Variants in EBF3 observed in about 807,000 individuals in gnomAD.
EBF3 encodes transcription factor COE3.
In EBF3, 18 loss-of-function variants were observed where a neutral mutation model predicts 77.1. That is an observed-to-expected ratio of 0.23 (90% CI 0.16 to 0.35). The LOEUF is 0.35. Ranked by LOEUF, EBF3 falls within the 10% of genes least tolerant of loss-of-function variation. EBF3 has a pLI of 1.00. For synonymous variants in EBF3, 350 were observed against 343.5 expected (o/e 1.02, Z -0.21); for missense variants, 558 against 860.0 (o/e 0.65, Z 4.39).
At chr10:129,865,475 G>C (rs552022370) in intron 10 of EBF3, among the ~76,000 whole-genome samples, 1 of 152,306 alleles carries the variant, frequency 6.6e-6, no homozygotes, top group East Asian at 1.9e-4. Flanking sequence ...CACCTCCCCT[G>C]TGGTCTTCTG....
At chr10:129,941,556 G>C (rs776263280) in intron 6 of EBF3, among the ~76,000 whole-genome samples, 22 of 152,208 alleles carry the variant, frequency 1.4e-4, no homozygotes, top group Non-Finnish European at 1.0e-4. Context: ...CACAGACTCC[G>C]GGCAGGCCAA....
At chr10:129,876,507 G>A (rs1004096687) in intron 7 of EBF3, among the ~76,000 whole-genome samples, 16 of 152,346 alleles carry the variant, frequency 1.1e-4, no homozygotes, top group African/African-American at 3.4e-4. Flanking sequence ...GACTGTGGGC[G>A]GGCCCAAAGA....
intron 7 of EBF3, 97 bp downstream of exon 7, chr10:129,877,671 A>T: frequency 9.8e-7 from 1 of 1,022,600 alleles, no homozygotes; most frequent in Non-Finnish European, 1.5e-6. Flanking sequence ...GCCCTTAAAG[A>T]ACTCAAGATT....
At chr10:129,959,548 T>G (rs1024536389) in intron 4 of EBF3, among the ~76,000 whole-genome samples, 1 of 151,884 alleles carries the variant, frequency 6.6e-6, no homozygotes, top group Non-Finnish European at 1.5e-5. Context: ...GCGCCCGCCC[T>G]GCCCTGCGCG....
chr10:129,839,192 G>T lies in EBF3; in HGVS notation c.1763C>A (p.Ser588Tyr). Residue 588 changes from serine to tyrosine, a missense_variant, in exon 16 of 17, where the codon TCT (serine) becomes TAT (tyrosine). By Grantham distance (144) the Ser-to-Tyr change is moderately radical. Transcript: ENST00000440978. ...TSANGNGLQG[S>Y]LLGAEDVAAE... ...GGCTACGTCCTCAGCACCCAGCAGA[G>T]AGCCTGGTACATAGTAGGTGCTCAG... The T allele has an allele frequency of 7.9e-7, 1 of 1,267,526 alleles. No individual in the cohort carries two copies. The allele number at this position is 1,267,526 out of a possible 1,614,324, so 78.5% of individuals were successfully genotyped here.
At chr10:129,933,646 G>A (rs1479612510) in intron 6 of EBF3, among the ~76,000 whole-genome samples, 1 of 152,192 alleles carries the variant, frequency 6.6e-6, no homozygotes, top group Non-Finnish European at 1.5e-5. Flanking sequence ...GCACAAGCGT[G>A]GCTGAATGTT....
intron 6 of EBF3, among the ~76,000 whole-genome samples, chr10:129,919,962 G>C (rs79357025): frequency 6.6e-6 from 1 of 150,716 alleles, no homozygotes; most frequent in Non-Finnish European, 1.5e-5. Context: ...AGCCCACCCC[G>C]CTGTGCAGTC....
chr10:129,854,368 G>A (rs549049458), intron 10 of EBF3, among the ~76,000 whole-genome samples: 7 of 152,214 alleles, frequency 4.6e-5, no homozygotes, highest in South Asian at 2.1e-4. Context: ...AGTTTCAGGC[G>A]GCTGATGGCT....
At chr10:129,909,874 T>A (rs1855400549) in intron 6 of EBF3, among the ~76,000 whole-genome samples, 1 of 152,226 alleles carries the variant, frequency 6.6e-6, no homozygotes, top group Non-Finnish European at 1.5e-5. Flanking sequence ...TGGAAACAAT[T>A]ACTCCTGGAA....
At chr10:129,853,560 C>T (rs898106384) in intron 10 of EBF3, among the ~76,000 whole-genome samples, 2 of 152,208 alleles carry the variant, frequency 1.3e-5, no homozygotes, top group Non-Finnish European at 2.9e-5. Context: ...AGTTCCTTTT[C>T]CGAGGGACAA....
chr10:129,836,453 C>T lies in EBF3; in HGVS notation c.*1490G>A, dbSNP rs1239243393. The T allele has an allele frequency of 6.6e-6, 1 of 152,620 alleles. No homozygotes were observed. Among genetic ancestry groups the T allele is most frequent in the East Asian group, 1.9e-4 (1 of 5,204 alleles). 9.5% of individuals were successfully genotyped at this position (152,620 alleles called of 1,614,324 possible). A position where few individuals can be genotyped will look rare whatever the true frequency, so the allele number is the denominator to read the frequency against. On this transcript the variant is annotated 3_prime_UTR_variant, in exon 17 of 17. Transcript: ENST00000440978. ...GTGTCACCTCTTCGCGGCCGCTCCA[C>T]ATGCACAGAATCTACTAGGATTTGT...
Position 129,867,911 on chromosome 10 carries a change from G to A in EBF3, c.783C>T (p.Ala261=). 6.2e-7 allele frequency: 1 copy of A among 1,614,034 alleles called. No homozygotes were observed. Among genetic ancestry groups the A allele is most frequent in the Non-Finnish European group, 8.5e-7 (1 of 1,179,996 alleles). Residue 261 remains alanine, a splice_region_variant and synonymous_variant, in exon 9 of 17, where the codon GCC becomes GCT. Transcript: ENST00000440978. Reference sequence around the variant, plus strand: ...GACTGATGGCCTTGATGCACGGAGTGGCTGCTCACACAAGACAGAGAAGGC... The same window carrying A: ...GACTGATGGCCTTGATGCACGGAGTAGCTGCTCACACAAGACAGAGAAGGC... The part of the protein sequence containing the change: ...EGTAPSYLEN[A]TPCIKAISPS...
In EBF3 at chr10:129,874,763, C is replaced by T. The variant is rs117331789; in HGVS notation, c.637-1167G>A. Among the ~76,000 whole-genome samples the T allele has an allele frequency of 7.5e-3, 1,148 of 152,254 alleles. 4 individuals carry two copies. Among genetic ancestry groups the T allele is most frequent in the Non-Finnish European group, 0.01 (706 of 68,016 alleles). On this transcript the variant is annotated intron_variant, in intron 7 of 16. Transcript: ENST00000440978. ...TGAGTGGAGAAGCGGAAGGGGTTCCCAGTCAGGGTACACCTTCCCTGCAAG... is the reference window on the plus strand; with the variant it reads ...TGAGTGGAGAAGCGGAAGGGGTTCCTAGTCAGGGTACACCTTCCCTGCAAG...
rs536210020 is a variant in EBF3, at chr10:129,842,059, C to A, written c.1372+57G>T. 3.7e-6 allele frequency: 6 copies of A among 1,610,294 alleles called. No homozygotes were observed. The African/African-American group carries it at 8.0e-5, about 21-fold the overall frequency. On this transcript the variant is annotated intron_variant, in intron 13 of 16. Coordinates refer to ENST00000440978, the MANE Select transcript of EBF3 (RefSeq NM_001375380.1). This position sits in a 1 kb window ranked among gnomAD's most constrained non-coding sequence, Gnocchi z 4.4. ...GGACACGTGCCTCTTCAGCTAAGGC[C>A]TCAACCAACCCTCGGAGGGCGTTCA...
chr10:129,957,381 G>T, intron 5 of EBF3, 55 bp from the exon 6 acceptor site: 3 of 1,416,706 alleles, frequency 2.1e-6, no homozygotes, highest in Admixed American at 2.3e-5. Flanking sequence ...TTTTATGCCC[G>T]ACTTGTATTT....
In EBF3 at chr10:129,901,120, G is replaced by C. The variant is rs547148864; in HGVS notation, c.555-23271C>G. Among the ~76,000 whole-genome samples, 3 of 152,294 alleles carry C rather than the reference G, an allele frequency of 2.0e-5. No homozygotes were observed. The South Asian group carries it at 6.2e-4, about 32-fold the overall frequency. ...TTGACATCTAAGTGGGTCCTTCCAG[G>C]TCAGACAGTCAAGTACATCTGGAGT... On this transcript the variant is annotated intron_variant, in intron 6 of 16. Transcript: ENST00000440978.
At chr10:129,868,937 G>A (rs539156298) in intron 8 of EBF3, among the ~76,000 whole-genome samples, 3 of 152,324 alleles carry the variant, frequency 2.0e-5, no homozygotes, top group African/African-American at 4.8e-5. Context: ...TCCGCAGCCC[G>A]GGCCAGGACA....
chr10:129,963,871 GC>G lies in EBF3; in HGVS notation c.-104del. 8.0e-7 allele frequency: 1 copy of G among 1,253,616 alleles called. No individual in the cohort carries two copies. Among genetic ancestry groups the G allele is most frequent in the Non-Finnish European group, 1.0e-6 (1 of 992,890 alleles). The allele number at this position is 1,253,616 out of a possible 1,614,324, so 77.7% of individuals were successfully genotyped here. On this transcript the variant is annotated 5_prime_UTR_variant, in exon 1 of 17. Coordinates refer to ENST00000440978, the MANE Select transcript of EBF3 (RefSeq NM_001375380.1). The surrounding 1 kb of genome is among the most constrained non-coding windows in gnomAD (Gnocchi z 7.1). Reference sequence around the variant, plus strand: ...CGGCTGCCCTGGCCGCCCTCGCCCTGCTCGGCGCCTGCGGTCCGGCCCCGCC... The same window carrying G: ...CGGCTGCCCTGGCCGCCCTCGCCCTGTCGGCGCCTGCGGTCCGGCCCCGCC...
chr10:129,957,229 G>A lies in EBF3; in HGVS notation c.554+29C>T, dbSNP rs117936192. Reference sequence around the variant, plus strand: ...AACGTTTTGTTGCTGCTGCGGTTTTGTTTTGAAAAATAAAGAAGTCATCCT... The same window carrying A: ...AACGTTTTGTTGCTGCTGCGGTTTTATTTTGAAAAATAAAGAAGTCATCCT... On this transcript the variant is annotated intron_variant, in intron 6 of 16. Coordinates refer to ENST00000440978, the MANE Select transcript of EBF3 (RefSeq NM_001375380.1). 4.2e-3 allele frequency: 6,652 copies of A among 1,574,406 alleles called. 27 individuals are homozygous for A. The highest frequency in any genetic ancestry group is 4.5e-3 in the Non-Finnish European group (5,267 of 1,158,226).
Sources: allele counts gnomAD v4.1 joint callset (sites outside exome capture counted in the v4.1 genomes callset), GRCh38; gene constraint gnomAD v4.1.1; non-coding constraint Gnocchi (gnomAD v3.1); transcripts MANE v1.5; gene names NCBI Gene and HGNC (gene_info 2026-07-23, HGNC 2026-07-21).